Variants in NEDD9 observed in about 807,000 individuals in gnomAD.
NEDD9 encodes the protein neural precursor cell expressed, developmentally down-regulated 9, also known as enhancer of filamentation 1.
In NEDD9, 26 loss-of-function variants were observed where a neutral mutation model predicts 76.6. The ratio of observed to expected loss-of-function variants is 0.34; its 90% confidence interval spans 0.25 to 0.47. The LOEUF is 0.47. Ranked by LOEUF, NEDD9 falls within the 20% of genes least tolerant of loss-of-function variation. NEDD9 has a pLI of 1.00. For synonymous variants in NEDD9, 392 were observed against 414.2 expected, an observed-to-expected ratio of 0.95 and a Z score of 0.65; for missense variants, 937 against 1,058.5, an observed-to-expected ratio of 0.89 and a Z score of 1.59.
intron 3 of NEDD9, among the ~76,000 whole-genome samples, chr6:11,239,164 C>G (rs1191928291): frequency 6.6e-6 from 1 of 151,798 alleles, no homozygotes; most frequent in Non-Finnish European, 1.5e-5. Flanking sequence ...GAGACCCTGT[C>G]TCTAAAAAAA....
In NEDD9 at chr6:11,242,030, C is replaced by T. The variant is rs566895804; in HGVS notation, c.13-28303G>A. On this transcript the variant is annotated intron_variant, in intron 3 of 3. Coordinates refer to the NEDD9 transcript ENST00000397378. The stretch of plus-strand genomic sequence containing the variant: ...TTAGAAAGCAAACAAAGTGCTCCAG[C>T]TATCAGCAATCTTTTATTTTGTCTG... 2.0e-5 allele frequency among the ~76,000 whole-genome samples: 3 copies of T among 152,332 alleles called. No homozygotes were observed. In the East Asian group the frequency reaches 5.8e-4, roughly 29 times the overall value.
chr6:11,238,350 GC>G (rs1375577056), intron 3 of NEDD9, among the ~76,000 whole-genome samples: 4 of 152,190 alleles, frequency 2.6e-5, no homozygotes, highest in African/African-American at 9.7e-5. Flanking sequence ...TGACCATGGA[GC>G]TATATTGCTG....
Position 11,192,366 on chromosome 6 carries a change from A to G in NEDD9, c.642T>C (p.Tyr214=). Residue 214 remains tyrosine (Y), a synonymous_variant, in exon 4 of 7, where the codon TAT becomes TAC. Coordinates refer to ENST00000379446, the MANE Select transcript of NEDD9 (RefSeq NM_006403.4). ...TCACCCCTTTTGTAGGCGGGATGTCATACACCCCTTGAGGTTTTATCTCTC... is the reference window on the plus strand; with the variant it reads ...TCACCCCTTTTGTAGGCGGGATGTCGTACACCCCTTGAGGTTTTATCTCTC... ...PVGEIKPQGV[Y]DIPPTKGVYA... is the part of the protein sequence containing the mutation. 1 of 1,583,130 alleles carries G rather than the reference A, an allele frequency of 6.3e-7. No individual in the cohort carries two copies. The highest frequency in any genetic ancestry group is 8.6e-7 in the Non-Finnish European group (1 of 1,166,242).
intron 1 of NEDD9, among the ~76,000 whole-genome samples, chr6:11,375,131 T>C (rs1762951070): frequency 6.6e-6 from 1 of 152,238 alleles, no homozygotes; most frequent in African/African-American, 2.4e-5. Context: ...TTTTTGTCAA[T>C]GACTTAGCAC....
In NEDD9 at chr6:11,293,745, A is replaced by T. The variant is rs1760827549; in HGVS notation, c.12+12247T>A. On this transcript the variant is annotated intron_variant, in intron 3 of 3. Coordinates refer to the NEDD9 transcript ENST00000397378. ...TTTATTAGATTCCCAAAACTTGTTC[A>T]TCTTGTAACTGAAAATGTGTACTCT... Among the ~76,000 whole-genome samples the T allele has an allele frequency of 2.6e-5, 4 of 152,190 alleles. 1 individual carries two copies. Among genetic ancestry groups the T allele is most frequent in the South Asian group, 4.1e-4 (2 of 4,832 alleles).
Position 11,252,881 on chromosome 6 carries a change from T to C in NEDD9, c.13-39154A>G, listed in dbSNP as rs758435500. On this transcript the variant is annotated intron_variant, in intron 3 of 3. Coordinates refer to the NEDD9 transcript ENST00000397378. The surrounding 1 kb of genome is among the most constrained non-coding windows in gnomAD (Gnocchi z 4.3). ...AAATTAGACACAGAAATGGAAGTGA[T>C]AGGAATGTATTTTTTTTTTCTCCTA... 6.6e-6 allele frequency among the ~76,000 whole-genome samples: 1 copy of C among 152,208 alleles called. No individual in the cohort carries two copies.
intron 1 of NEDD9, among the ~76,000 whole-genome samples, chr6:11,228,589 G>A (rs1341942220): frequency 7.4e-6 from 1 of 134,294 alleles, no homozygotes; most frequent in Non-Finnish European, 1.6e-5. Flanking sequence ...CTGGAGTGAA[G>A]GGAGAGACAG....
chr6:11,273,391 GA>G (rs1362983835), intron 3 of NEDD9, among the ~76,000 whole-genome samples: 4 of 152,220 alleles, frequency 2.6e-5, no homozygotes, highest in Non-Finnish European at 5.9e-5. Flanking sequence ...GTTTGTAAAT[GA>G]ATAATCCCTC....
chr6:11,209,351 A>C, intron 2 of NEDD9, among the ~76,000 whole-genome samples: 1 of 152,232 alleles, frequency 6.6e-6, no homozygotes, highest in Non-Finnish European at 1.5e-5. Context: ...GAAATTAAGT[A>C]AAGGTGTCAG....
chr6:11,349,170 G>T (rs1582042666), intron 1 of NEDD9, among the ~76,000 whole-genome samples: 2 of 152,104 alleles, frequency 1.3e-5, no homozygotes, highest in Non-Finnish European at 2.9e-5. Context: ...TATGAAAAAA[G>T]CTTAATGCCA....
chr6:11,333,547 C>G (rs1451548584), intron 2 of NEDD9, among the ~76,000 whole-genome samples: 2 of 152,226 alleles, frequency 1.3e-5, no homozygotes. Context: ...CAGGCATGCC[C>G]TCCCAGAATG....
chr6:11,276,167 A>C (rs1347828762), intron 3 of NEDD9, among the ~76,000 whole-genome samples: 1 of 152,232 alleles, frequency 6.6e-6, no homozygotes, highest in Admixed American at 6.5e-5. Context: ...AAGAAATCTA[A>C]TTAAAACCTC....
chr6:11,277,225 G>C (rs1450368800), intron 3 of NEDD9, among the ~76,000 whole-genome samples: 4 of 152,198 alleles, frequency 2.6e-5, no homozygotes, highest in African/African-American at 7.2e-5. Context: ...GGAAGAAAAG[G>C]GTTTCTGCCT....
intron 3 of NEDD9, among the ~76,000 whole-genome samples, chr6:11,288,205 G>A (rs2113370250): frequency 6.6e-6 from 1 of 152,342 alleles, no homozygotes; most frequent in Non-Finnish European, 1.5e-5. Context: ...CGTGTGGCCT[G>A]GGGTGTTGCT....
At chr6:11,264,623 G>A (rs1317717401) in intron 3 of NEDD9, among the ~76,000 whole-genome samples, 4 of 152,304 alleles carry the variant, frequency 2.6e-5, no homozygotes, top group African/African-American at 7.2e-5. Context: ...GAAACTGAGA[G>A]GCTGTGGATT....
chr6:11,247,977 A>G (rs1269595009), intron 3 of NEDD9, among the ~76,000 whole-genome samples: 2 of 152,300 alleles, frequency 1.3e-5, no homozygotes, highest in Non-Finnish European at 2.9e-5. Context: ...TCTATTTTTC[A>G]GATTATTTTG....
chr6:11,286,172 G>A (rs1760645508), intron 3 of NEDD9, among the ~76,000 whole-genome samples: 2 of 152,108 alleles, frequency 1.3e-5, no homozygotes, highest in African/African-American at 4.8e-5. Flanking sequence ...ATAGAAAATG[G>A]ACAAAATATT....
intron 3 of NEDD9, among the ~76,000 whole-genome samples, chr6:11,286,922 C>CAT (rs752842941): frequency 6.6e-5 from 10 of 152,086 alleles, no homozygotes; most frequent in Non-Finnish European, 1.5e-4. Context: ...TCCACCAGTG[C>CAT]ATATATATAT....
chr6:11,273,903 G>C (rs1407801351), intron 3 of NEDD9, among the ~76,000 whole-genome samples: 1 of 152,152 alleles, frequency 6.6e-6, no homozygotes, highest in Non-Finnish European at 1.5e-5. Flanking sequence ...TTCTTCATTA[G>C]CATTTTCCCA....
Sources: gnomAD v4.1 joint callset for allele counts (sites outside exome capture counted in the v4.1 genomes callset) on GRCh38, gnomAD v4.1.1 for gene constraint, Gnocchi (gnomAD v3.1) non-coding constraint, MANE v1.5 for transcripts, NCBI Gene and HGNC (gene_info 2026-07-23, HGNC 2026-07-21) for gene names.